Variants in FAM228B observed in about 807,000 individuals in gnomAD.
FAM228B encodes family with sequence similarity 228 member B.
FAM228B carries 38 observed loss-of-function variants against 42.6 expected under a neutral mutation model. The ratio of observed to expected loss-of-function variants is 0.89; its 90% confidence interval spans 0.69 to 1.17. FAM228B has a LOEUF of 1.17. Ranked by LOEUF, FAM228B falls within the 50% of genes most tolerant of loss-of-function variation. The pLI is 0.00. For synonymous variants in FAM228B, 109 were observed against 122.3 expected (o/e 0.89, Z 0.72); for missense variants, 344 against 367.3 (o/e 0.94, Z 0.52).
At chr2:24,140,331 C>A (rs920706382) in intron 5 of FAM228B, among the ~76,000 whole-genome samples, 1 of 152,138 alleles carries the variant, frequency 6.6e-6, no homozygotes, top group African/African-American at 2.4e-5. Flanking sequence ...CGTGTGCCAT[C>A]ATGCTCGGCT....
chr2:24,092,962 A>ACACACACACACC (rs1558367817), intron 2 of FAM228B, among the ~76,000 whole-genome samples: 1 of 151,032 alleles, frequency 6.6e-6, no homozygotes, highest in African/African-American at 2.4e-5. Context: ...ACACACACAC[A>ACACACACACACC]CACACCATGT....
At chr2:24,093,687 C>T (rs1368642673) in intron 2 of FAM228B, among the ~76,000 whole-genome samples, 1 of 151,272 alleles carries the variant, frequency 6.6e-6, no homozygotes, top group Non-Finnish European at 1.5e-5. Flanking sequence ...ACAATCTTGG[C>T]TCACTGCAAC....
intron 3 of FAM228B, among the ~76,000 whole-genome samples, chr2:24,109,052 G>A (rs1297618987): frequency 2.0e-5 from 3 of 151,768 alleles, no homozygotes; most frequent in Non-Finnish European, 4.4e-5. Flanking sequence ...AAAACAGCAT[G>A]GTACTGGTAC....
intron 2 of FAM228B, among the ~76,000 whole-genome samples, chr2:24,129,330 T>C (rs1226528720): frequency 6.6e-6 from 1 of 151,766 alleles, no homozygotes; most frequent in Non-Finnish European, 1.5e-5. Flanking sequence ...TTTAGTTGTT[T>C]CAGGTGGGAG....
At chr2:24,082,942 G>A (rs377602873) in intron 2 of FAM228B, 1 of 1,613,630 alleles carries the variant, frequency 6.2e-7, no homozygotes, top group Non-Finnish European at 8.5e-7. Context: ...GCTGCAGCCT[G>A]GGTCAGGGTC....
chr2:24,113,981 A>G (rs180689735), intron 3 of FAM228B, among the ~76,000 whole-genome samples: 2 of 152,318 alleles, frequency 1.3e-5, no homozygotes, highest in East Asian at 3.9e-4. Context: ...TAAAACAAAA[A>G]CAAAAAAACA....
intron 7 of FAM228B, among the ~76,000 whole-genome samples, chr2:24,156,880 C>T (rs535376955): frequency 4.1e-4 from 61 of 147,580 alleles, no homozygotes; most frequent in African/African-American, 1.4e-3. Flanking sequence ...TTCTCTTCTG[C>T]CGGGTTTGGG....
In FAM228B at chr2:24,148,629, A is replaced by G. The variant is rs1175278293; in HGVS notation, c.686+1543A>G. Among the ~76,000 whole-genome samples, 7 of 152,272 alleles carry G rather than the reference A, an allele frequency of 4.6e-5. No individual in the cohort carries two copies. In the East Asian group the frequency reaches 1.3e-3, roughly 29 times the overall value. ...GTAGGTGTATATATTTATGAGGTACATGAGATGTTTTGATACAGGCATGCA... is the reference window on the plus strand; with the variant it reads ...GTAGGTGTATATATTTATGAGGTACGTGAGATGTTTTGATACAGGCATGCA... On this transcript the variant is annotated intron_variant, in intron 7 of 10. Coordinates refer to ENST00000615575, the MANE Select transcript of FAM228B (RefSeq NM_001145710.2).
intron 3 of FAM228B, among the ~76,000 whole-genome samples, chr2:24,136,215 C>T (rs539088777): frequency 5.9e-5 from 9 of 151,772 alleles, no homozygotes; most frequent in South Asian, 2.1e-4. Context: ...GTGTGAGCCA[C>T]GGAGCCTAGC....
intron 5 of FAM228B, among the ~76,000 whole-genome samples, chr2:24,141,446 G>A (rs987008633): frequency 3.0e-4 from 46 of 151,872 alleles, no homozygotes; most frequent in Admixed American, 2.8e-3. Flanking sequence ...GGGTTTCACC[G>A]TGTTAGCCAG....
chr2:24,077,610 A>T lies in FAM228B; in HGVS notation c.-290+641A>T. The stretch of plus-strand genomic sequence containing the variant: ...GGGCAGTTCCAGGACGATCTTGCCT[A>T]TGTTCTTGTTGGCCTCCATGTACTT... On this transcript the variant is annotated intron_variant, in intron 1 of 10. Coordinates refer to the FAM228B transcript ENST00000613899. The surrounding 1 kb of genome is among the most constrained non-coding windows in gnomAD (Gnocchi z 5.5). 1 of 1,613,668 alleles carries T rather than the reference A, an allele frequency of 6.2e-7. No homozygotes were observed. The highest frequency in any genetic ancestry group is 8.5e-7 in the Non-Finnish European group (1 of 1,179,814).
Position 24,124,429 on chromosome 2 carries a change from G to A in FAM228B, c.68G>A (p.Trp23Ter). The change falls in exon 2 of 11, where the codon TGG (tryptophan) becomes TAG (stop). Residue 23 changes from tryptophan to a stop codon, truncating the protein, a stop_gained. Coordinates refer to ENST00000615575, the MANE Select transcript of FAM228B (RefSeq NM_001145710.2). LOFTEE classifies it high-confidence loss of function. ...CCCAAGCTCAAGAGCTCAAAAGAATGGTTGGAGCCCAAGCCCCTTTGTTTT... is the reference window on the plus strand; with the variant it reads ...CCCAAGCTCAAGAGCTCAAAAGAATAGTTGGAGCCCAAGCCCCTTTGTTTT... ...TLPKLKSSKE[W>*]LEPKPLCFME... 15 of 1,551,680 alleles carry A rather than the reference G, an allele frequency of 9.7e-6. No individual in the cohort carries two copies. Among genetic ancestry groups the A allele is most frequent in the Non-Finnish European group, 1.2e-5 (14 of 1,146,892 alleles).
chr2:24,144,395 C>T (rs1317829548), intron 5 of FAM228B, among the ~76,000 whole-genome samples: 2 of 152,202 alleles, frequency 1.3e-5, no homozygotes, highest in African/African-American at 2.4e-5. Context: ...CACTGCACTC[C>T]AGCCTGGACG....
intron 2 of FAM228B, 117 bp from the exon 3 acceptor site, chr2:24,135,002 A>G (rs535052284): frequency 9.0e-6 from 6 of 663,042 alleles, no homozygotes; most frequent in South Asian, 5.7e-5. Flanking sequence ...GGAGGAAACA[A>G]ACTGCATGCA....
chr2:24,083,168 T>G, intron 2 of FAM228B: 1 of 1,585,092 alleles, frequency 6.3e-7, no homozygotes, highest in Non-Finnish European at 8.6e-7. Flanking sequence ...GAGAAAGAAG[T>G]GCACTAAGTG....
In FAM228B at chr2:24,084,214, G is replaced by A. The variant is rs756326061; in HGVS notation, c.-210+3259G>A. Reference sequence around the variant, plus strand: ...CTGCATTAAGTCCGCCCGGTTCAGGGCGCTGGCCGCCACCTTCAGGAGGAC... The same window carrying A: ...CTGCATTAAGTCCGCCCGGTTCAGGACGCTGGCCGCCACCTTCAGGAGGAC... On this transcript the variant is annotated intron_variant, in intron 2 of 10. Coordinates refer to the FAM228B transcript ENST00000613899. The surrounding 1 kb of genome is among the most constrained non-coding windows in gnomAD (Gnocchi z 8.4). 3 of 1,613,564 alleles carry A rather than the reference G, an allele frequency of 1.9e-6. No homozygotes were observed. The highest frequency in any genetic ancestry group is 2.5e-6 in the Non-Finnish European group (3 of 1,179,882).
At chr2:24,140,141 C>T (rs1351038432) in intron 5 of FAM228B, among the ~76,000 whole-genome samples, 3 of 152,098 alleles carry the variant, frequency 2.0e-5, no homozygotes, top group Non-Finnish European at 4.4e-5. Context: ...GTCAAAGTCA[C>T]CCAGCTGTAA....
intron 3 of FAM228B, among the ~76,000 whole-genome samples, chr2:24,104,069 T>C (rs1322118270): frequency 2.0e-5 from 3 of 152,106 alleles, no homozygotes; most frequent in African/African-American, 7.2e-5. Flanking sequence ...AAAAACCACG[T>C]TGGGACCCAT....
chr2:24,093,207 A>G lies in FAM228B; in HGVS notation c.-209-1934A>G, dbSNP rs533084924. Among the ~76,000 whole-genome samples the G allele has an allele frequency of 1.3e-3, 201 of 152,154 alleles. 1 individual carries two copies. Among genetic ancestry groups the G allele is most frequent in the Non-Finnish European group, 2.6e-3 (175 of 68,036 alleles). ...GTGCAGGTTTGTTACGTAGGCATAC[A>G]TGTGCCATGGTGGTTTACTACACCT... On this transcript the variant is annotated intron_variant, in intron 2 of 10. Coordinates refer to the FAM228B transcript ENST00000613899.
Sources: gnomAD v4.1 joint callset for allele counts (sites outside exome capture counted in the v4.1 genomes callset) on GRCh38, gnomAD v4.1.1 for gene constraint, Gnocchi (gnomAD v3.1) non-coding constraint, MANE v1.5 for transcripts, NCBI Gene and HGNC (gene_info 2026-07-23, HGNC 2026-07-21) for gene names.